Variants in CDH12 observed in about 807,000 individuals in gnomAD.
CDH12 encodes the protein cadherin 12, also known as cadherin-12.
A neutral mutation model predicts 74.1 loss-of-function variants in CDH12; 41 were observed. The ratio of observed to expected loss-of-function variants is 0.55; its 90% CI spans 0.43 to 0.72. CDH12 has a LOEUF of 0.72. Among genes scored for constraint, CDH12 ranks in the 30% least tolerant of loss-of-function variants. The pLI is 0.00. For synonymous variants in CDH12, 399 were observed against 355.0 expected, an observed-to-expected ratio of 1.12 and a Z score of -1.39; for missense variants, 945 against 977.2, an observed-to-expected ratio of 0.97 and a Z score of 0.44.
At chr5:22,701,120 C>A (rs1257379560) in intron 1 of CDH12, among the ~76,000 whole-genome samples, 7 of 152,130 alleles carry the variant, frequency 4.6e-5, no homozygotes, top group African/African-American at 7.2e-5. Context: ...CCCAAACTTG[C>A]AAATTTATTT....
intron 1 of CDH12, among the ~76,000 whole-genome samples, chr5:22,662,093 A>G (rs1256138542): frequency 6.6e-6 from 1 of 152,172 alleles, no homozygotes; most frequent in Non-Finnish European, 1.5e-5. Context: ...ACATGACTAG[A>G]GAACTCGCAG....
chr5:22,290,025 G>C (rs1737313735), intron 3 of CDH12, among the ~76,000 whole-genome samples: 1 of 152,108 alleles, frequency 6.6e-6, no homozygotes, highest in African/African-American at 2.4e-5. Flanking sequence ...CCAGGTATCT[G>C]GAGCATCCCA....
intron 5 of CDH12, among the ~76,000 whole-genome samples, chr5:22,046,223 GAACTA>G (rs1456573321): frequency 1.3e-5 from 2 of 151,988 alleles, no homozygotes; most frequent in Admixed American, 6.6e-5. Context: ...ACAAGATTTA[GAACTA>G]AACATATTAC....
chr5:22,736,273 G>A (rs897689411), intron 1 of CDH12, among the ~76,000 whole-genome samples: 1 of 151,658 alleles, frequency 6.6e-6, no homozygotes, highest in African/African-American at 2.4e-5. Context: ...CCTCCAGTTA[G>A]ATATTTTAGT....
chr5:22,516,668 G>A (rs1184921499), intron 1 of CDH12, among the ~76,000 whole-genome samples: 1 of 152,012 alleles, frequency 6.6e-6, no homozygotes, highest in East Asian at 1.9e-4. Flanking sequence ...GGTGATGCAT[G>A]CCGGCAGCCC....
intron 1 of CDH12, among the ~76,000 whole-genome samples, chr5:22,753,389 A>G (rs1048688413): frequency 1.3e-5 from 2 of 150,204 alleles, no homozygotes; most frequent in African/African-American, 4.9e-5. Flanking sequence ...GTGATCTGAG[A>G]TCGCGCCATT....
intron 1 of CDH12, among the ~76,000 whole-genome samples, chr5:22,523,625 C>A (rs1737143235): frequency 6.6e-6 from 1 of 152,162 alleles, no homozygotes; most frequent in Non-Finnish European, 1.5e-5. Flanking sequence ...TATGGCTCCT[C>A]ATTTATTATT....
At chr5:22,300,129 G>A (rs555942422) in intron 3 of CDH12, among the ~76,000 whole-genome samples, 5 of 152,252 alleles carry the variant, frequency 3.3e-5, no homozygotes, top group Non-Finnish European at 5.9e-5. Context: ...GGATGGAAAT[G>A]GAGTTACTCC....
At chr5:22,091,561 A>C (rs1743436317) in intron 4 of CDH12, among the ~76,000 whole-genome samples, 1 of 151,948 alleles carries the variant, frequency 6.6e-6, no homozygotes, top group Admixed American at 6.6e-5. Flanking sequence ...AAATTAAAGA[A>C]TGTCTATGTA....
intron 9 of CDH12, among the ~76,000 whole-genome samples, chr5:21,811,554 C>A (rs1747745006): frequency 6.6e-6 from 1 of 152,056 alleles, no homozygotes; most frequent in Middle Eastern, 3.4e-3. Flanking sequence ...TTTAGGTTTT[C>A]ACTAAGAATG....
chr5:22,766,443 G>A (rs1746519425), intron 1 of CDH12, among the ~76,000 whole-genome samples: 1 of 151,872 alleles, frequency 6.6e-6, no homozygotes, highest in Non-Finnish European at 1.5e-5. Context: ...TATCAATAAG[G>A]GTAAATTATT....
chr5:21,874,577 C>T (rs527867971), intron 6 of CDH12, among the ~76,000 whole-genome samples: 98 of 152,296 alleles, frequency 6.4e-4, no homozygotes, highest in African/African-American at 2.3e-3. Flanking sequence ...TGGCAACCCC[C>T]TTTCAGTCCC....
intron 6 of CDH12, among the ~76,000 whole-genome samples, chr5:21,865,963 TC>T (rs1367173636): frequency 2.6e-5 from 4 of 152,198 alleles, no homozygotes; most frequent in Admixed American, 6.5e-5. Context: ...GATAATTGAA[TC>T]ATGGGGATGG....
intron 1 of CDH12, among the ~76,000 whole-genome samples, chr5:22,671,777 A>G (rs1309640418): frequency 6.6e-6 from 1 of 152,006 alleles, no homozygotes; most frequent in African/African-American, 2.4e-5. Context: ...AACAAAGGGA[A>G]CAGTGGAAAA....
chr5:22,730,305 G>A (rs1744367778), intron 1 of CDH12, among the ~76,000 whole-genome samples: 1 of 151,720 alleles, frequency 6.6e-6, no homozygotes, highest in Admixed American at 6.6e-5. Flanking sequence ...AATAATTTAA[G>A]AGGATAAGAC....
At chr5:21,955,377 G>A (rs1756050097) in intron 6 of CDH12, among the ~76,000 whole-genome samples, 1 of 151,672 alleles carries the variant, frequency 6.6e-6, no homozygotes, top group African/African-American at 2.4e-5. Context: ...ATTTGTAATA[G>A]GTAGGTATTT....
intron 5 of CDH12, among the ~76,000 whole-genome samples, chr5:22,013,809 A>ATC (rs1737437860): frequency 6.6e-6 from 1 of 152,206 alleles, no homozygotes; most frequent in Non-Finnish European, 1.5e-5. Flanking sequence ...GTTTTCGTAA[A>ATC]TCTCATCTTT....
intron 1 of CDH12, among the ~76,000 whole-genome samples, chr5:22,647,663 C>A (rs893868278): frequency 6.6e-6 from 1 of 151,720 alleles, no homozygotes; most frequent in Non-Finnish European, 1.5e-5. Flanking sequence ...ACTTTAATAA[C>A]CTCTTAAAGG....
At chr5:22,576,537 G>A (rs2126774902) in intron 1 of CDH12, among the ~76,000 whole-genome samples, 1 of 152,302 alleles carries the variant, frequency 6.6e-6, no homozygotes, top group Admixed American at 6.5e-5. Context: ...GTACAGTTAT[G>A]TTCCGTAGAG....
Sources: gnomAD v4.1 joint callset for allele counts (sites outside exome capture counted in the v4.1 genomes callset) on GRCh38, gnomAD v4.1.1 for gene constraint, MANE v1.5 for transcripts, NCBI Gene and HGNC (gene_info 2026-07-23, HGNC 2026-07-21) for gene names.